CD6: variants seen among roughly 807,000 people sequenced by gnomAD.
CD6 encodes the protein CD6 molecule.
CD6 carries 53 observed loss-of-function variants against 75.3 expected under a neutral mutation model. The observed-to-expected ratio is 0.70, with a 90% confidence interval of 0.56 to 0.88. CD6 has a LOEUF of 0.88. Ranked by LOEUF, CD6 falls within the 40% of genes least tolerant of loss-of-function variation. The pLI is 0.00. For missense variants in CD6, 770 were observed against 897.1 expected (o/e 0.86, Z 1.81); for synonymous variants, 359 against 381.5 (o/e 0.94, Z 0.69).
chr11:60,973,596 C>T (rs988386072), intron 1 of CD6, among the ~76,000 whole-genome samples: 4 of 152,102 alleles, frequency 2.6e-5, no homozygotes, highest in Admixed American at 1.3e-4. Context: ...GTGGCAAAAC[C>T]CAATTTCTAT....
At chr11:61,008,366 A>G in intron 3 of CD6, 168 bp from the exon 4 acceptor site, 2 of 667,482 alleles carry the variant, frequency 3.0e-6, no homozygotes, top group Non-Finnish European at 4.9e-6. Flanking sequence ...CTGCGGCTCT[A>G]CCTAACCCAT....
At chr11:61,002,826 C>T (rs1214398243) in intron 1 of CD6, among the ~76,000 whole-genome samples, 1 of 152,152 alleles carries the variant, frequency 6.6e-6, no homozygotes, top group Middle Eastern at 3.2e-3. Context: ...AGAGAGTGCA[C>T]GAGAGACAGA....
intron 1 of CD6, among the ~76,000 whole-genome samples, chr11:61,005,858 G>A (rs1371246832): frequency 6.6e-6 from 1 of 151,750 alleles, no homozygotes; most frequent in East Asian, 1.9e-4. Flanking sequence ...TTGAATCTGG[G>A]AGGTGGAGGT....
chr11:60,995,445 C>T (rs372374951), intron 1 of CD6, among the ~76,000 whole-genome samples: 11 of 152,124 alleles, frequency 7.2e-5, no homozygotes, highest in Non-Finnish European at 1.0e-4. Flanking sequence ...AGGCCCAGCC[C>T]GCATCTTTCT....
At chr11:60,972,594 C>T (rs566796965) in intron 1 of CD6, among the ~76,000 whole-genome samples, 1 of 152,312 alleles carries the variant, frequency 6.6e-6, no homozygotes, top group African/African-American at 2.4e-5. Flanking sequence ...CTGTTGAGTG[C>T]AGGGTCCAAG....
chr11:61,017,675 G>A, intron 10 of CD6, 84 bp from the exon 11 acceptor site: 1 of 1,588,834 alleles, frequency 6.3e-7, no homozygotes, highest in Non-Finnish European at 8.6e-7. Context: ...AAATCCTATA[G>A]GCAGTAAGTG....
intron 9 of CD6, 50 bp from the exon 10 acceptor site, chr11:61,017,429 A>C: frequency 7.0e-7 from 1 of 1,429,480 alleles, no homozygotes; most frequent in Non-Finnish European, 9.6e-7. Flanking sequence ...CAGGCTCCTA[A>C]ATGATGAGGT....
intron 1 of CD6, among the ~76,000 whole-genome samples, chr11:61,002,415 G>A (rs1017239741): frequency 3.9e-5 from 6 of 152,094 alleles, no homozygotes; most frequent in African/African-American, 1.4e-4. Flanking sequence ...AATTTAGCAG[G>A]GTGTGGTGGT....
chr11:61,009,426 CA>C, intron 4 of CD6, 145 bp from the exon 5 acceptor site: 2 of 726,864 alleles, frequency 2.8e-6, no homozygotes, highest in Admixed American at 3.1e-5. Flanking sequence ...GGGCAGGTGA[CA>C]GGGGGACACA....
Position 60,982,944 on chromosome 11 carries a change from G to A in CD6, c.49+11030G>A, listed in dbSNP as rs376716919. 2.2e-3 allele frequency among the ~76,000 whole-genome samples: 327 copies of A among 152,086 alleles called. 1 individual carries two copies. The highest frequency in any genetic ancestry group is 5.2e-3 in the South Asian group (25 of 4,808). ...CACCCCCACCCCTAGAGAGAATGCG[G>A]GGGACTGCTATGGCCCAGTGTGGCC... On this transcript the variant is annotated intron_variant, in intron 1 of 12. Transcript: ENST00000313421.
chr11:61,002,781 C>G (rs1323077270), intron 1 of CD6, among the ~76,000 whole-genome samples: 1 of 152,182 alleles, frequency 6.6e-6, no homozygotes, highest in African/African-American at 2.4e-5. Context: ...GGCCTTCTCT[C>G]TGCATCATAA....
rs191498035 is a variant in CD6, at chr11:60,987,469, G to T, written c.49+15555G>T. ...TCACATTCTGGGGTACTGGAAATTA[G>T]GACTGTTTTAAGAGGAGGGGAACAA... On this transcript the variant is annotated intron_variant, in intron 1 of 12. Transcript: ENST00000313421. 9.2e-5 allele frequency among the ~76,000 whole-genome samples: 14 copies of T among 152,248 alleles called. No homozygotes were observed. In the East Asian group the frequency reaches 2.7e-3, roughly 29 times the overall value.
chr11:60,987,555 G>A (rs1047450388), intron 1 of CD6, among the ~76,000 whole-genome samples: 2 of 152,030 alleles, frequency 1.3e-5, no homozygotes, highest in Admixed American at 1.3e-4. Flanking sequence ...GTGTGTGTGT[G>A]TACATGTATG....
chr11:61,015,224 T>C (rs965230790), intron 8 of CD6, among the ~76,000 whole-genome samples: 2 of 152,232 alleles, frequency 1.3e-5, no homozygotes, highest in Non-Finnish European at 1.5e-5. Context: ...GTTCTCCATA[T>C]TGGAAATGAA....
intron 1 of CD6, 36 bp from the exon 2 acceptor site, chr11:61,006,538 T>G: frequency 6.5e-7 from 1 of 1,545,596 alleles, no homozygotes; most frequent in Non-Finnish European, 8.8e-7. Flanking sequence ...AGGCCTGAGC[T>G]CACTCACCCA....
At chr11:60,981,312 ACTTGGTTTTAC>A (rs1857550954) in intron 1 of CD6, among the ~76,000 whole-genome samples, 2 of 152,188 alleles carry the variant, frequency 1.3e-5, no homozygotes, top group Admixed American at 6.5e-5. Flanking sequence ...GATGACAGAT[ACTTGGTTTTAC>A]CTCATGACTC....
rs1176357119 is a variant in CD6, at chr11:61,007,682, G to A, written c.241G>A (p.Ala81Thr). ...GALWDSRAAE[A>T]VCRALGCGGA... ...GCTCTGGGACAGCCGCGCCGCCGAGGCCGTGTGCCGAGCACTGGGCTGCGG... is the reference window on the plus strand; with the variant it reads ...GCTCTGGGACAGCCGCGCCGCCGAGACCGTGTGCCGAGCACTGGGCTGCGG... Residue 81 changes from alanine (A) to threonine (T), a missense_variant, in exon 3 of 13, where the codon GCC (alanine) becomes ACC (threonine). Ala to Thr is a moderately conservative substitution (Grantham distance 58, BLOSUM62 0). Coordinates refer to ENST00000313421, the MANE Select transcript of CD6 (RefSeq NM_006725.5). The surrounding 1 kb of genome is among the most constrained non-coding windows in gnomAD (Gnocchi z 4.2). 2 of 1,417,986 alleles carry A rather than the reference G, an allele frequency of 1.4e-6. No individual in the cohort carries two copies. The highest frequency in any genetic ancestry group is 3.0e-5 in the East Asian group (1 of 32,804). 87.8% of individuals were successfully genotyped at this position (1,417,986 alleles called of 1,614,324 possible).
chr11:61,002,753 G>C (rs547129061), intron 1 of CD6, among the ~76,000 whole-genome samples: 1 of 152,178 alleles, frequency 6.6e-6, no homozygotes. Context: ...CCAAGATCTA[G>C]GGGCCACATC....
At position 61,007,511 on chromosome 11, in the gene CD6, C is replaced by G; in HGVS notation, c.119-49C>G. ...GAGTCAGTGGCAGAGCCTGGGCAAC[C>G]CTCTGCCCAGGCCCCACCGGTCTCA... is the stretch of plus-strand genomic sequence containing the variant. On this transcript the variant is annotated intron_variant, in intron 2 of 12. Transcript: ENST00000313421. The surrounding 1 kb of genome is among the most constrained non-coding windows in gnomAD (Gnocchi z 4.2). 1 of 1,319,202 alleles carries G rather than the reference C, an allele frequency of 7.6e-7. No homozygotes were observed. The highest frequency in any genetic ancestry group is 9.9e-7 in the Non-Finnish European group (1 of 1,008,636). The allele number at this position is 1,319,202 out of a possible 1,614,324, so 81.7% of individuals were successfully genotyped here. A position where few individuals can be genotyped will look rare whatever the true frequency, so the allele number is the denominator to read the frequency against.
Sources: allele counts gnomAD v4.1 joint callset (sites outside exome capture counted in the v4.1 genomes callset), GRCh38; gene constraint gnomAD v4.1.1; non-coding constraint Gnocchi (gnomAD v3.1); transcripts MANE v1.5; gene names NCBI Gene and HGNC (gene_info 2026-07-23, HGNC 2026-07-21).